Variants in RIPOR1 observed in about 807,000 individuals in gnomAD.
RIPOR1 encodes the protein RHO family interacting cell polarization regulator 1, also known as rho family-interacting cell polarization regulator 1.
In RIPOR1, 58 loss-of-function variants were observed where a neutral mutation model predicts 116.5. That is an observed-to-expected ratio of 0.50 (90% CI 0.40 to 0.62). RIPOR1 has a LOEUF of 0.62. Ranked by LOEUF, RIPOR1 falls within the 20% of genes least tolerant of loss-of-function variation. The probability of loss-of-function intolerance (pLI) is 0.00; values close to 1 mark genes in which losing one functional copy is unlikely to be tolerated. For missense variants in RIPOR1, 1,372 were observed against 1,586.2 expected (o/e 0.86, Z 2.29); for synonymous variants, 605 against 650.0 (o/e 0.93, Z 1.05).
Position 67,545,215 on chromosome 16 carries a change from A to G in RIPOR1, c.3031+98A>G, listed in dbSNP as rs925160295. ...GCCCACACAGATAAACGAACTGGGCACCGAGGAGACCAGCAAAGACTTGGG... is the reference window on the plus strand; with the variant it reads ...GCCCACACAGATAAACGAACTGGGCGCCGAGGAGACCAGCAAAGACTTGGG... On this transcript the variant is annotated intron_variant, in intron 17 of 21. Coordinates refer to ENST00000042381, the MANE Select transcript of RIPOR1 (RefSeq NM_024519.4). The surrounding 1 kb of genome is among the most constrained non-coding windows in gnomAD (Gnocchi z 4.8). The G allele has an allele frequency of 1.8e-5, 27 of 1,537,998 alleles. No homozygotes were observed. Among genetic ancestry groups the G allele is most frequent in the African/African-American group, 4.1e-5 (3 of 73,638 alleles).
rs144382974 is a variant in RIPOR1, at chr16:67,540,163, C to A, written c.525C>A (p.Asp175Glu). Residue 175 changes from aspartate to glutamate, a missense_variant, in exon 7 of 22, where the codon GAC becomes GAA. By Grantham distance (45) the Asp-to-Glu change is conservative. This residue lies in a region of RIPOR1 where 202 missense variants were observed against 295.9 expected (regional missense o/e 0.68). Transcript: ENST00000042381. This position sits in a 1 kb window ranked among gnomAD's most constrained non-coding sequence, Gnocchi z 4.7. The part of the protein sequence containing the change: ...TGSPGSREAR[D>E]SLAEATRGHR... ...CCCCGGGAAGCCGAGAGGCCCGGGA[C>A]AGCCTGGCAGAGGCCACTCGGGGGC... The A allele has an allele frequency of 6.2e-7, 1 of 1,614,064 alleles. No individual in the cohort carries two copies. Among genetic ancestry groups the A allele is most frequent in the Non-Finnish European group, 8.5e-7 (1 of 1,180,032 alleles).
chr16:67,541,906 G>C lies in RIPOR1; in HGVS notation c.1120G>C (p.Ala374Pro), dbSNP rs776452430. Residue 374 changes from alanine to proline, a missense_variant, in exon 13 of 22, where the codon GCA becomes CCA. This residue lies in a region of RIPOR1 where 1,005 missense variants were observed against 1,144.7 expected (regional missense o/e 0.88). Coordinates refer to ENST00000042381, the MANE Select transcript of RIPOR1 (RefSeq NM_024519.4). The surrounding 1 kb of genome is among the most constrained non-coding windows in gnomAD (Gnocchi z 4.6). ...RRQEELENGT[A>P]WSLSSESSDD... Reference sequence around the variant, plus strand: ...GCAGGAGGAGCTGGAGAATGGGACAGCATGGTCCCTGTCATCTGAATCTTC... The same window carrying C: ...GCAGGAGGAGCTGGAGAATGGGACACCATGGTCCCTGTCATCTGAATCTTC... The C allele has an allele frequency of 1.9e-6, 3 of 1,611,828 alleles. No individual in the cohort carries two copies. Among genetic ancestry groups the C allele is most frequent in the Middle Eastern group, 1.7e-4 (1 of 6,050 alleles).
rs2142636495 is a variant in RIPOR1 at position 67,545,986 on chromosome 16, A to T, written c.3425A>T (p.Asp1142Val). 5 of 1,613,886 alleles carry T rather than the reference A, an allele frequency of 3.1e-6. No homozygotes were observed. Residue 1142 changes from aspartate (D) to valine (V), a missense_variant, in exon 20 of 22, where the codon GAC (aspartate) becomes GTC (valine). Asp to Val is a radical substitution (Grantham distance 152). Around this residue, in one of 3 missense-constraint regions of RIPOR1, gnomAD observed 1,005 missense variants for 1,144.7 expected, o/e 0.88. Transcript: ENST00000042381. This position sits in a 1 kb window ranked among gnomAD's most constrained non-coding sequence, Gnocchi z 4.8. ...LCFLDQLEDEDVQTRVAGCLA... is the reference protein window; with the variant it reads ...LCFLDQLEDEVVQTRVAGCLA... The stretch of plus-strand genomic sequence containing the variant: ...TTCCTGGACCAGCTGGAGGATGAGG[A>T]CGTGCAGACTCGAGTGGCTGGCTGC...
chr16:67,536,381 G>A (rs999730379), intron 1 of RIPOR1, among the ~76,000 whole-genome samples: 1 of 152,142 alleles, frequency 6.6e-6, no homozygotes, highest in South Asian at 2.1e-4. Context: ...CTGAGAGGCA[G>A]AGGTTGCAGT....
At position 67,542,847 on chromosome 16, in the gene RIPOR1, C is replaced by T; in HGVS notation, c.2061C>T (p.Leu687=). 1 of 1,614,010 alleles carries T rather than the reference C, an allele frequency of 6.2e-7. No homozygotes were observed. Among genetic ancestry groups the T allele is most frequent in the East Asian group, 2.2e-5 (1 of 44,882 alleles). The change falls in exon 13 of 22, where the codon CTC becomes CTT. Residue 687 remains leucine (L), a synonymous_variant. Transcript: ENST00000042381. The surrounding 1 kb of genome is among the most constrained non-coding windows in gnomAD (Gnocchi z 4.6). ...SPSTSLELAT[L]SSPSKHSDPT... is the part of the protein sequence containing the mutation. ...CCACTTCTCTAGAACTTGCTACCCT[C>T]TCCAGCCCCTCCAAACACTCAGACC...
In RIPOR1 at chr16:67,545,076, G is replaced by A. The variant is rs762484055; in HGVS notation, c.2990G>A (p.Gly997Asp). The A allele has an allele frequency of 2.5e-6, 4 of 1,612,670 alleles. No individual in the cohort carries two copies. Among genetic ancestry groups the A allele is most frequent in the Middle Eastern group, 1.6e-4 (1 of 6,062 alleles). The change falls in exon 17 of 22, where the codon GGT becomes GAT. Residue 997 changes from glycine to aspartate, a missense_variant. Transcript: ENST00000042381. The surrounding 1 kb of genome is among the most constrained non-coding windows in gnomAD (Gnocchi z 4.8). Reference sequence around the variant, plus strand: ...CTTCTCACCTTCTGCAACCAGTATGGTGCCCGCCTCTCCCTGCGCCAGCCA... The same window carrying A: ...CTTCTCACCTTCTGCAACCAGTATGATGCCCGCCTCTCCCTGCGCCAGCCA... Reference protein sequence around the residue: ...RVLLTFCNQYGARLSLRQPGL... With the variant: ...RVLLTFCNQYDARLSLRQPGL...
chr16:67,544,668 A>C lies in RIPOR1; in HGVS notation c.2734-27A>C. 1.2e-6 allele frequency: 2 copies of C among 1,611,264 alleles called. No homozygotes were observed. Among genetic ancestry groups the C allele is most frequent in the Non-Finnish European group, 1.7e-6 (2 of 1,179,966 alleles). On this transcript the variant is annotated intron_variant, in intron 15 of 21. Coordinates refer to ENST00000042381, the MANE Select transcript of RIPOR1 (RefSeq NM_024519.4). The surrounding 1 kb of genome is among the most constrained non-coding windows in gnomAD (Gnocchi z 5.1). ...CTCCCGAGCCCTACCCTGAGGCCTG[A>C]GCTACTTGGCCACCCATGTTCTCCA...
At position 67,531,322 on chromosome 16, in the gene RIPOR1, TC is replaced by T. The variant is rs942246319; in HGVS notation, c.-24+2415del. On this transcript the variant is annotated intron_variant, in intron 1 of 21. Coordinates refer to ENST00000042381, the MANE Select transcript of RIPOR1 (RefSeq NM_024519.4). The surrounding 1 kb of genome is among the most constrained non-coding windows in gnomAD (Gnocchi z 4.2). ...TAGGCAGCCCAGCTTCCCCCACTGT[TC>T]CCCCCCTTCATCTCCCAGGTGCTAC... Among the ~76,000 whole-genome samples the T allele has an allele frequency of 1.3e-5, 2 of 149,682 alleles. No homozygotes were observed. Among genetic ancestry groups the T allele is most frequent in the African/African-American group, 4.9e-5 (2 of 40,468 alleles).
At chr16:67,527,372 G>GA (rs1314474989), upstream of RIPOR1, among the ~76,000 whole-genome samples, 1 of 151,744 alleles carries the variant, frequency 6.6e-6, no homozygotes, top group Non-Finnish European at 1.5e-5. Context: ...GCAACAGAGG[G>GA]AGACTCCGTC....
In RIPOR1 at chr16:67,544,871, A is replaced by G; in HGVS notation, c.2869+41A>G. The G allele has an allele frequency of 6.3e-7, 1 of 1,594,070 alleles. No homozygotes were observed. The highest frequency in any genetic ancestry group is 1.3e-5 in the African/African-American group (1 of 74,618). On this transcript the variant is annotated intron_variant, in intron 16 of 21. Transcript: ENST00000042381. The surrounding 1 kb of genome is among the most constrained non-coding windows in gnomAD (Gnocchi z 5.1). ...GTTCGGGCTCTGCCATCTGCCTTGA[A>G]GCTCCTACCTCAGCCTACTGCCATC... is the stretch of plus-strand genomic sequence containing the variant.
intron 2 of RIPOR1, 56 bp downstream of exon 2, chr16:67,538,606 G>A: frequency 1.2e-6 from 2 of 1,607,286 alleles, no homozygotes; most frequent in Non-Finnish European, 8.5e-7. Flanking sequence ...GGCTGGGTCT[G>A]GGGGTGCGTA....
chr16:67,525,078 G>C (rs1356792604), upstream of RIPOR1, among the ~76,000 whole-genome samples: 1 of 152,184 alleles, frequency 6.6e-6, no homozygotes, highest in Non-Finnish European at 1.5e-5. Flanking sequence ...TTAAACTCTT[G>C]CTCCCCCAGC....
chr16:67,544,630 C>T lies in RIPOR1; in HGVS notation c.2734-65C>T. On this transcript the variant is annotated intron_variant, in intron 15 of 21. Transcript: ENST00000042381. This position sits in a 1 kb window ranked among gnomAD's most constrained non-coding sequence, Gnocchi z 5.1. ...CCCCCAGTGCATGCTGGGACTTGTC[C>T]CTGAGCACGATCCTCCCGAGCCCTA... The T allele has an allele frequency of 6.2e-7, 1 of 1,602,214 alleles. No individual in the cohort carries two copies. The highest frequency in any genetic ancestry group is 8.5e-7 in the Non-Finnish European group (1 of 1,177,668).
chr16:67,522,191 A>ATTTTTTT lies in RIPOR1; in HGVS notation c.-24+3601_-24+3607dup, dbSNP rs34835336. Among the ~76,000 whole-genome samples, 196 of 71,330 alleles carry ATTTTTTT rather than the reference A, an allele frequency of 2.7e-3. 16 individuals carry two copies. The highest frequency in any genetic ancestry group is 8.2e-3 in the Middle Eastern group (1 of 122). 46.8% of individuals were successfully genotyped at this position (71,330 alleles called of 152,430 possible). A position where few individuals can be genotyped will look rare whatever the true frequency, so the allele number is the denominator to read the frequency against. ...TACAGGCGTGTGCCACCACGCCCAG[A>ATTTTTTT]TTTTTTTTTTTTTTTTTTTTTTTTT... On this transcript the variant is annotated intron_variant, in intron 1 of 1. Transcript: ENST00000562116.
In RIPOR1 at chr16:67,543,082, T is replaced by C; in HGVS notation, c.2296T>C (p.Ser766Pro). 2 of 1,522,744 alleles carry C rather than the reference T, an allele frequency of 1.3e-6. No individual in the cohort carries two copies. The highest frequency in any genetic ancestry group is 1.8e-6 in the Non-Finnish European group (2 of 1,137,428). 94.3% of individuals were successfully genotyped at this position (1,522,744 alleles called of 1,614,324 possible). A position where few individuals can be genotyped will look rare whatever the true frequency, so the allele number is the denominator to read the frequency against. The change falls in exon 13 of 22, where the codon TCA becomes CCA. Residue 766 changes from serine to proline, a missense_variant. Transcript: ENST00000042381. The surrounding 1 kb of genome is among the most constrained non-coding windows in gnomAD (Gnocchi z 4.7). Reference protein sequence around the residue: ...PSPPTPAPQHSDLCLAMAVQT... With the variant: ...PSPPTPAPQHPDLCLAMAVQT... ...ACCCCCAACCCCTGCACCCCAGCAT[T>C]CAGACCTTTGCCTGGCCATGGCTGT...
In RIPOR1 at chr16:67,540,389, G is replaced by A. The variant is rs774434442; in HGVS notation, c.631+26G>A. On this transcript the variant is annotated intron_variant, in intron 8 of 21. Transcript: ENST00000042381. The surrounding 1 kb of genome is among the most constrained non-coding windows in gnomAD (Gnocchi z 4.7). ...GTACTGAGTTGTGGGGGCAGGTGGGGGGCTGGAGGGAGTATGCTGAAGAAC... is the reference window on the plus strand; with the variant it reads ...GTACTGAGTTGTGGGGGCAGGTGGGAGGCTGGAGGGAGTATGCTGAAGAAC... 5.0e-6 allele frequency: 8 copies of A among 1,614,200 alleles called. No homozygotes were observed. Among genetic ancestry groups the A allele is most frequent in the Non-Finnish European group, 6.8e-6 (8 of 1,180,022 alleles).
chr16:67,539,611 G>A lies in RIPOR1; in HGVS notation c.337-117G>A, dbSNP rs568590989. ...AGGAAGGGGCGTCAGTTGCTACTGT[G>A]ACAGGAGTGCTTGTGGACTGTGGTG... On this transcript the variant is annotated intron_variant, in intron 4 of 21. Coordinates refer to ENST00000042381, the MANE Select transcript of RIPOR1 (RefSeq NM_024519.4). 1.0e-4 allele frequency: 129 copies of A among 1,244,382 alleles called. 2 individuals are homozygous for A. The South Asian group carries it at 1.5e-3, about 14-fold the overall frequency. 77.1% of individuals were successfully genotyped at this position (1,244,382 alleles called of 1,614,324 possible).
In RIPOR1 at chr16:67,538,224, A is replaced by T. The variant is rs2050857315; in HGVS notation, c.-23-200A>T. The stretch of plus-strand genomic sequence containing the variant: ...AGGAAGTGGGGGCCGAGCCGAGGCC[A>T]CGCTGAGTCCGAGGCCGAGTCGCCT... On this transcript the variant is annotated intron_variant, in intron 1 of 21. Coordinates refer to ENST00000042381, the MANE Select transcript of RIPOR1 (RefSeq NM_024519.4). 3 of 514,498 alleles carry T rather than the reference A, an allele frequency of 5.8e-6. No individual in the cohort carries two copies. The Admixed American group carries it at 1.2e-4, about 21-fold the overall frequency. 31.9% of individuals were successfully genotyped at this position (514,498 alleles called of 1,614,324 possible). A position where few individuals can be genotyped will look rare whatever the true frequency, so the allele number is the denominator to read the frequency against.
Position 67,531,233 on chromosome 16 carries a change from G to A in RIPOR1, c.-24+2319G>A, listed in dbSNP as rs1431368479. Among the ~76,000 whole-genome samples the A allele has an allele frequency of 1.3e-5, 2 of 151,970 alleles. No homozygotes were observed. The highest frequency in any genetic ancestry group is 4.2e-4 in the South Asian group (2 of 4,806). On this transcript the variant is annotated intron_variant, in intron 1 of 21. Transcript: ENST00000042381. The surrounding 1 kb of genome is among the most constrained non-coding windows in gnomAD (Gnocchi z 4.2). ...GATTGCATGTCGGGTAGGGGAGTTG[G>A]GGTGGACATAGACTTAAAATCCTCC...
Sources: allele counts gnomAD v4.1 joint callset (sites outside exome capture counted in the v4.1 genomes callset), GRCh38; gene constraint gnomAD v4.1.1; regional missense constraint gnomAD v4.1.1; non-coding constraint Gnocchi (gnomAD v3.1); transcripts MANE v1.5; gene names NCBI Gene and HGNC (gene_info 2026-07-23, HGNC 2026-07-21).